PPA2: variants seen among roughly 807,000 people sequenced by gnomAD.
PPA2 encodes the protein inorganic pyrophosphatase 2, mitochondrial.
PPA2 carries 48 observed loss-of-function variants against 49.5 expected under a neutral mutation model. The ratio of observed to expected loss-of-function variants is 0.97; its 90% confidence interval spans 0.77 to 1.23. The LOEUF is 1.23. Ranked by LOEUF, PPA2 falls within the 50% of genes most tolerant of loss-of-function variation. The pLI is 0.00. For missense variants in PPA2, 429 were observed against 410.1 expected, an observed-to-expected ratio of 1.05 and a Z score of -0.40; for synonymous variants, 131 against 139.9, an observed-to-expected ratio of 0.94 and a Z score of 0.45.
At chr4:105,460,771 G>A (rs1430608633) in intron 1 of PPA2, among the ~76,000 whole-genome samples, 1 of 151,578 alleles carries the variant, frequency 6.6e-6, no homozygotes, top group African/African-American at 2.4e-5. Flanking sequence ...ATAAATCTAG[G>A]ACACTGATTT....
chr4:105,376,437 A>C (rs1216292391), intron 10 of PPA2, among the ~76,000 whole-genome samples: 3 of 152,142 alleles, frequency 2.0e-5, no homozygotes, highest in African/African-American at 7.2e-5. Context: ...ACTTCAAAAC[A>C]CCATCCATTT....
chr4:105,442,013 T>TC, intron 5 of PPA2, among the ~76,000 whole-genome samples: 1 of 151,850 alleles, frequency 6.6e-6, no homozygotes, highest in East Asian at 1.9e-4. Context: ...TCACTTTTTT[T>TC]TTTTTTTTTA....
At chr4:105,419,663 G>C (rs1723166520) in intron 7 of PPA2, among the ~76,000 whole-genome samples, 1 of 152,124 alleles carries the variant, frequency 6.6e-6, no homozygotes, top group South Asian at 2.1e-4. Flanking sequence ...GGTAAAAACT[G>C]TAAGTATTAA....
chr4:105,473,535 C>T (rs773455814), intron 1 of PPA2: 3 of 506,936 alleles, frequency 5.9e-6, no homozygotes, highest in South Asian at 4.7e-5. Context: ...TTGTGTGAAC[C>T]GGGAACGGCG....
intron 8 of PPA2, chr4:105,398,831 T>C: frequency 2.3e-6 from 1 of 436,494 alleles, no homozygotes; most frequent in South Asian, 4.4e-5. Context: ...TAGATGGAAA[T>C]ATATATTTTT....
At chr4:105,393,717 G>A (rs1222118787) in intron 9 of PPA2, among the ~76,000 whole-genome samples, 1 of 151,862 alleles carries the variant, frequency 6.6e-6, no homozygotes, top group Non-Finnish European at 1.5e-5. Flanking sequence ...TTGAGAGAAT[G>A]TCTATGATAG....
intron 2 of PPA2, chr4:105,455,994 C>A: frequency 3.8e-6 from 1 of 265,946 alleles, no homozygotes. Context: ...TGAATACTAC[C>A]AAATATGCCA....
chr4:105,382,536 C>T (rs1733528701), intron 10 of PPA2, among the ~76,000 whole-genome samples: 2 of 152,156 alleles, frequency 1.3e-5, no homozygotes, highest in African/African-American at 4.8e-5. Flanking sequence ...TACACATACA[C>T]ACATGCACAC....
chr4:105,380,746 TA>T (rs201785105), intron 10 of PPA2, among the ~76,000 whole-genome samples: 3,098 of 152,222 alleles, frequency 0.02, 49 homozygotes, highest in Middle Eastern at 0.061. Flanking sequence ...TTTGTTTTCA[TA>T]AAAAATATGT....
chr4:105,433,016 T>C (rs1384977851), intron 6 of PPA2, among the ~76,000 whole-genome samples: 1 of 152,206 alleles, frequency 6.6e-6, no homozygotes, highest in Admixed American at 6.5e-5. Flanking sequence ...AATGAGATAA[T>C]TCTTATAGAG....
rs542307058 is a variant in PPA2 at position 105,418,492 on chromosome 4, A to G, written c.655+5704T>C. Among the ~76,000 whole-genome samples, 8 of 152,322 alleles carry G rather than the reference A, an allele frequency of 5.3e-5. No individual in the cohort carries two copies. In the South Asian group the frequency reaches 1.0e-3, roughly 20 times the overall value. ...CTCTAAATATAAGCTGAAATTCTACATATACAAAAGACATACCTTAATAAT... is the reference window on the plus strand; with the variant it reads ...CTCTAAATATAAGCTGAAATTCTACGTATACAAAAGACATACCTTAATAAT... On this transcript the variant is annotated intron_variant, in intron 7 of 11. Coordinates refer to ENST00000341695, the MANE Select transcript of PPA2 (RefSeq NM_176869.3).
At chr4:105,445,592 G>C (rs1722345380) in intron 5 of PPA2, among the ~76,000 whole-genome samples, 1 of 151,860 alleles carries the variant, frequency 6.6e-6, no homozygotes, top group Non-Finnish European at 1.5e-5. Flanking sequence ...ATACCATCTT[G>C]AAATTTCATG....
chr4:105,428,613 T>A (rs1339232307), intron 6 of PPA2, among the ~76,000 whole-genome samples: 1 of 143,796 alleles, frequency 7.0e-6, no homozygotes, highest in Non-Finnish European at 1.5e-5. Flanking sequence ...AAGTGGGAGT[T>A]GAACAGTGAG....
rs775974736 is a variant in PPA2, at chr4:105,446,501, A to T, written c.323T>A (p.Ile108Asn). ...IPRWTNAKME[I>N]ATKEPMNPIK... The stretch of plus-strand genomic sequence containing the variant: ...GGGATTCATTGGCTCCTTGGTGGCA[A>T]TCTAAGCAAATCACAGAAGGAAGAA... The change falls in exon 5 of 12, where the codon ATT (isoleucine) becomes AAT (asparagine). Residue 108 changes from isoleucine (I) to asparagine (N), a missense_variant and splice_region_variant. Ile to Asn is a moderately radical substitution (Grantham distance 149, BLOSUM62 -3). Coordinates refer to ENST00000341695, the MANE Select transcript of PPA2 (RefSeq NM_176869.3). 6.3e-7 allele frequency: 1 copy of T among 1,599,700 alleles called. No individual in the cohort carries two copies. Among genetic ancestry groups the T allele is most frequent in the East Asian group, 2.3e-5 (1 of 44,004 alleles).
chr4:105,450,629 A>C (rs1722634532), intron 3 of PPA2, among the ~76,000 whole-genome samples: 1 of 47,542 alleles, frequency 2.1e-5, no homozygotes, highest in African/African-American at 6.6e-5. Context: ...TTTTTTTGAG[A>C]CGGAGTCTCG....
chr4:105,374,468 A>T (rs1369952184), intron 10 of PPA2, among the ~76,000 whole-genome samples: 1 of 152,192 alleles, frequency 6.6e-6, no homozygotes, highest in Non-Finnish European at 1.5e-5. Flanking sequence ...CATTATCTTT[A>T]TATCTTTAAT....
intron 1 of PPA2, among the ~76,000 whole-genome samples, chr4:105,458,552 C>T (rs421979): frequency 7.9e-5 from 12 of 152,006 alleles, no homozygotes; most frequent in Admixed American, 2.6e-4. Context: ...TGGCCGGGCA[C>T]GATGGCTCAC....
rs561811097 is a variant in PPA2 at position 105,433,596 on chromosome 4, C to T, written c.528+4354G>A. On this transcript the variant is annotated intron_variant, in intron 6 of 11. Coordinates refer to ENST00000341695, the MANE Select transcript of PPA2 (RefSeq NM_176869.3). ...CAGGGGTTAATAGCTAAAGCTACAT[C>T]TGTGAAGGAAATATAATGACAACAC... is the stretch of plus-strand genomic sequence containing the variant. Among the ~76,000 whole-genome samples the T allele has an allele frequency of 2.6e-5, 4 of 152,312 alleles. No homozygotes were observed. The East Asian group carries it at 7.7e-4, about 29-fold the overall frequency.
intron 10 of PPA2, among the ~76,000 whole-genome samples, chr4:105,380,582 T>C (rs2110367589): frequency 6.6e-6 from 1 of 152,300 alleles, no homozygotes; most frequent in South Asian, 2.1e-4. Context: ...AATATTGTTG[T>C]TTCAGATCTT....
Sources: allele counts gnomAD v4.1 joint callset (sites outside exome capture counted in the v4.1 genomes callset), GRCh38; gene constraint gnomAD v4.1.1; transcripts MANE v1.5; gene names NCBI Gene and HGNC (gene_info 2026-07-23, HGNC 2026-07-21).